Variants in SLC38A9 observed in about 807,000 individuals in gnomAD.
The protein encoded by SLC38A9 is solute carrier family 38 member 9.
In SLC38A9, 48 loss-of-function variants were observed where a neutral mutation model predicts 62.3. That is an observed-to-expected ratio of 0.77 (90% CI 0.61 to 0.98). The LOEUF is 0.98. Ranked by LOEUF, SLC38A9 falls within the 50% of genes least tolerant of loss-of-function variation. The probability of loss-of-function intolerance (pLI) is 0.00; values close to 1 mark genes in which losing one functional copy is unlikely to be tolerated. For synonymous variants in SLC38A9, 204 were observed against 227.7 expected (o/e 0.90, Z 0.94); for missense variants, 541 against 679.8 (o/e 0.80, Z 2.27).
intron 7 of SLC38A9, among the ~76,000 whole-genome samples, chr5:55,668,896 T>A (rs1215103958): frequency 6.6e-6 from 1 of 152,218 alleles, no homozygotes; most frequent in Non-Finnish European, 1.5e-5. Flanking sequence ...TCAAAACAAG[T>A]CACCATTAAC....
intron 8 of SLC38A9, among the ~76,000 whole-genome samples, chr5:55,663,322 A>AG: frequency 6.9e-6 from 1 of 144,708 alleles, no homozygotes; most frequent in Non-Finnish European, 1.5e-5. Flanking sequence ...AAAAAAAAAA[A>AG]GGAGATCTAA....
At chr5:55,710,770 C>A (rs1757920141) in intron 2 of SLC38A9, among the ~76,000 whole-genome samples, 1 of 151,850 alleles carries the variant, frequency 6.6e-6, no homozygotes, top group African/African-American at 2.4e-5. Flanking sequence ...CATGTGCCAC[C>A]ACACCTGGCT....
chr5:55,633,722 C>A (rs550666690), intron 14 of SLC38A9, 32 bp downstream of exon 14: 13 of 1,613,564 alleles, frequency 8.1e-6, no homozygotes, highest in Non-Finnish European at 1.1e-5. Context: ...TGTTGCTTGG[C>A]ACATCCTGCT....
chr5:55,687,262 C>T (rs977041298), intron 3 of SLC38A9, among the ~76,000 whole-genome samples: 23 of 150,212 alleles, frequency 1.5e-4, no homozygotes, highest in African/African-American at 4.1e-4. Flanking sequence ...CCCGTCTCTA[C>T]TAAAAATACA....
chr5:55,649,839 A>G (rs897358612), intron 10 of SLC38A9, among the ~76,000 whole-genome samples: 2 of 151,294 alleles, frequency 1.3e-5, no homozygotes, highest in African/African-American at 2.4e-5. Context: ...AAAAAAAAGA[A>G]TAAGAAAAGA....
chr5:55,632,152 T>C (rs1457262931), intron 14 of SLC38A9, among the ~76,000 whole-genome samples: 2 of 152,204 alleles, frequency 1.3e-5, no homozygotes, highest in Non-Finnish European at 2.9e-5. Context: ...ATTGCATAAA[T>C]GTAGGCCGGG....
chr5:55,654,489 C>T (rs950986549), intron 9 of SLC38A9, among the ~76,000 whole-genome samples: 1 of 152,006 alleles, frequency 6.6e-6, no homozygotes, highest in East Asian at 1.9e-4. Flanking sequence ...GATGTAGTTC[C>T]AGCTACTCGG....
intron 3 of SLC38A9, among the ~76,000 whole-genome samples, chr5:55,686,935 G>A (rs914635808): frequency 3.9e-5 from 6 of 152,036 alleles, no homozygotes; most frequent in African/African-American, 1.4e-4. Context: ...TAGGTGTTCG[G>A]TCTTATTTCT....
chr5:55,712,156 C>T (rs2150775929), intron 1 of SLC38A9, 61 bp downstream of exon 1: 1 of 152,602 alleles, frequency 6.6e-6, no homozygotes, highest in South Asian at 2.1e-4. Context: ...CGCCGCCTTC[C>T]CTCGGATACC....
chr5:55,666,799 G>A (rs13157890), intron 7 of SLC38A9, among the ~76,000 whole-genome samples: 91,032 of 152,014 alleles, frequency 0.6, 27,850 homozygotes, highest in South Asian at 0.7. Context: ...AGGCCGAGGC[G>A]GATGGATCAC....
chr5:55,698,952 AAAC>A (rs1237679619), intron 2 of SLC38A9, among the ~76,000 whole-genome samples: 1 of 110,124 alleles, frequency 9.1e-6, no homozygotes, highest in Non-Finnish European at 2.1e-5. Flanking sequence ...ATCAAACAAA[AAAC>A]AACAAAAAAA....
At chr5:55,684,196 T>A (rs1753424360) in intron 3 of SLC38A9, among the ~76,000 whole-genome samples, 1 of 152,242 alleles carries the variant, frequency 6.6e-6, no homozygotes, top group Admixed American at 6.5e-5. Flanking sequence ...TAAAAGTCTG[T>A]TCCTGATAAC....
intron 3 of SLC38A9, chr5:55,692,881 A>C: frequency 2.0e-6 from 2 of 978,978 alleles, no homozygotes; most frequent in South Asian, 9.5e-5. Context: ...TAAGAATCAA[A>C]AGTCTTATTT....
intron 3 of SLC38A9, chr5:55,696,237 A>G (rs1755618611): frequency 4.5e-5 from 1 of 22,116 alleles, no homozygotes; most frequent in African/African-American, 1.2e-4. Flanking sequence ...ACTTCCCAGT[A>G]GAGACGGCCG....
chr5:55,652,837 C>T, intron 9 of SLC38A9, 114 bp from the exon 10 acceptor site: 1 of 749,886 alleles, frequency 1.3e-6, no homozygotes, highest in Non-Finnish European at 2.0e-6. Flanking sequence ...AACCTCAACT[C>T]TTCCTAGGAG....
At chr5:55,688,154 T>C (rs1314794115) in intron 3 of SLC38A9, among the ~76,000 whole-genome samples, 2 of 152,198 alleles carry the variant, frequency 1.3e-5, no homozygotes, top group Non-Finnish European at 2.9e-5. Flanking sequence ...AAGAAGCTTT[T>C]GGACTGAGAC....
chr5:55,637,149 G>A (rs1341211955), intron 12 of SLC38A9, among the ~76,000 whole-genome samples: 1 of 152,174 alleles, frequency 6.6e-6, no homozygotes, highest in African/African-American at 2.4e-5. Flanking sequence ...GGGAGGCAAA[G>A]CAGCTGGGCC....
At chr5:55,668,913 G>GA (rs1272229913) in intron 7 of SLC38A9, among the ~76,000 whole-genome samples, 1 of 152,142 alleles carries the variant, frequency 6.6e-6, no homozygotes, top group African/African-American at 2.4e-5. Flanking sequence ...TAACTGACAG[G>GA]AAGCACAGAA....
chr5:55,644,180 C>T (rs902246316), intron 12 of SLC38A9, among the ~76,000 whole-genome samples: 11 of 151,684 alleles, frequency 7.3e-5, no homozygotes, highest in East Asian at 2.0e-4. Context: ...AGGCTGGTCT[C>T]GAACACCTGG....
Sources: allele counts gnomAD v4.1 joint callset (sites outside exome capture counted in the v4.1 genomes callset), GRCh38; gene constraint gnomAD v4.1.1; transcripts MANE v1.5; gene names NCBI Gene and HGNC (gene_info 2026-07-23, HGNC 2026-07-21).